Variants in SIPA1L2 observed in about 807,000 individuals in gnomAD.
The protein encoded by SIPA1L2 is signal induced proliferation associated 1 like 2, also known as signal-induced proliferation-associated 1-like protein 2.
A neutral mutation model predicts 163.9 loss-of-function variants in SIPA1L2; 56 were observed. The ratio of observed to expected loss-of-function variants is 0.34; its 90% confidence interval spans 0.28 to 0.43. The LOEUF is 0.43. Among genes scored for constraint, SIPA1L2 ranks in the 20% least tolerant of loss-of-function variants. The probability of loss-of-function intolerance (pLI) is 1.00; values close to 1 mark genes in which losing one functional copy is unlikely to be tolerated. For missense variants in SIPA1L2, 1,974 were observed against 2,193.5 expected, an observed-to-expected ratio of 0.90 and a Z score of 2.00; for synonymous variants, 877 against 865.7, an observed-to-expected ratio of 1.01 and a Z score of -0.23.
chr1:232,419,100 G>C (rs1661423458), intron 18 of SIPA1L2, among the ~76,000 whole-genome samples: 1 of 152,214 alleles, frequency 6.6e-6, no homozygotes, highest in South Asian at 2.1e-4. Flanking sequence ...GGCACATTTG[G>C]GGGAGGCCTG....
At chr1:232,469,259 T>G (rs1572945581) in intron 8 of SIPA1L2, among the ~76,000 whole-genome samples, 5 of 152,192 alleles carry the variant, frequency 3.3e-5, no homozygotes, top group African/African-American at 1.2e-4. Context: ...CCACTCTGGA[T>G]TAGGACATAG....
At chr1:232,486,197 T>C (rs1166835465) in intron 5 of SIPA1L2, among the ~76,000 whole-genome samples, 1 of 152,186 alleles carries the variant, frequency 6.6e-6, no homozygotes, top group Non-Finnish European at 1.5e-5. Context: ...GTGCATGGTA[T>C]GTCAAGCAGA....
chr1:232,419,121 G>C (rs961009819), intron 18 of SIPA1L2, among the ~76,000 whole-genome samples: 1 of 152,152 alleles, frequency 6.6e-6, no homozygotes, highest in Non-Finnish European at 1.5e-5. Flanking sequence ...TCCAAGGAGG[G>C]GACACTTGGC....
At chr1:232,601,530 A>G (rs75733682) in intron 1 of SIPA1L2, among the ~76,000 whole-genome samples, 3,502 of 152,266 alleles carry the variant, frequency 0.023, 136 homozygotes, top group African/African-American at 0.08. Context: ...ATTATAGCCC[A>G]TGGTCCCTTG....
rs766492017 is a variant in SIPA1L2, at chr1:232,439,256, C to T, written c.3883G>A (p.Glu1295Lys). ...GSRSLIHSRA[E>K]QWADAADVSG... Reference sequence around the variant, plus strand: ...ACGTCGGCAGCATCAGCCCACTGCTCGGCCCGGCTGTGGATCAGGGACCTG... The same window carrying T: ...ACGTCGGCAGCATCAGCCCACTGCTTGGCCCGGCTGTGGATCAGGGACCTG... The change falls in exon 15 of 23, where the codon GAG becomes AAG. Residue 1295 changes from glutamate to lysine, a missense_variant. Coordinates refer to ENST00000674635, the MANE Select transcript of SIPA1L2 (RefSeq NM_020808.5). 18 of 1,614,088 alleles carry T rather than the reference C, an allele frequency of 1.1e-5. No individual in the cohort carries two copies. The highest frequency in any genetic ancestry group is 4.5e-5 in the East Asian group (2 of 44,890).
intron 2 of SIPA1L2, among the ~76,000 whole-genome samples, chr1:232,550,885 G>A (rs975936350): frequency 6.6e-6 from 1 of 152,292 alleles, no homozygotes; most frequent in East Asian, 1.9e-4. Context: ...ACATGGAAGA[G>A]GTATTGCTAA....
intron 2 of SIPA1L2, among the ~76,000 whole-genome samples, chr1:232,518,679 C>T (rs1482328776): frequency 6.6e-6 from 1 of 152,066 alleles, no homozygotes; most frequent in Non-Finnish European, 1.5e-5. Flanking sequence ...TGGGTGACTC[C>T]ACAACATACT....
chr1:232,530,270 C>T (rs1011683232), intron 2 of SIPA1L2, among the ~76,000 whole-genome samples: 2 of 152,078 alleles, frequency 1.3e-5, no homozygotes, highest in African/African-American at 2.4e-5. Context: ...CACACCACCA[C>T]GCCCGGCTAA....
chr1:232,522,556 T>G (rs1327783802), intron 2 of SIPA1L2, among the ~76,000 whole-genome samples: 1 of 152,004 alleles, frequency 6.6e-6, no homozygotes, highest in African/African-American at 2.4e-5. Context: ...GTTTATTGTT[T>G]GCTGCTATCC....
At chr1:232,463,695 T>C (rs940941655) in intron 9 of SIPA1L2, among the ~76,000 whole-genome samples, 3 of 152,210 alleles carry the variant, frequency 2.0e-5, no homozygotes, top group Admixed American at 2.0e-4. Context: ...AAGAAGTATT[T>C]GCAATTAGCA....
intron 1 of SIPA1L2, among the ~76,000 whole-genome samples, chr1:232,604,814 CCT>C (rs1274570235): frequency 6.6e-6 from 1 of 152,078 alleles, no homozygotes; most frequent in Non-Finnish European, 1.5e-5. Flanking sequence ...TAACCCCTCT[CCT>C]CTCTTCCTCC....
At chr1:232,578,550 C>G (rs1475207986) in intron 1 of SIPA1L2, among the ~76,000 whole-genome samples, 1 of 152,146 alleles carries the variant, frequency 6.6e-6, no homozygotes, top group Non-Finnish European at 1.5e-5. Context: ...ATTCTTTATG[C>G]CGATACGTTA....
chr1:232,556,765 T>G (rs547808869), intron 2 of SIPA1L2, among the ~76,000 whole-genome samples: 1 of 151,566 alleles, frequency 6.6e-6, no homozygotes, highest in South Asian at 2.1e-4. Flanking sequence ...TAGTGAACAC[T>G]GGGGTCAGAC....
intron 5 of SIPA1L2, among the ~76,000 whole-genome samples, chr1:232,487,225 A>G (rs1482809380): frequency 6.6e-6 from 1 of 152,228 alleles, no homozygotes; most frequent in Non-Finnish European, 1.5e-5. Flanking sequence ...TTCCAAGGCC[A>G]GAAGCTTTGT....
chr1:232,463,144 AGCG>A (rs1664327660), intron 9 of SIPA1L2, among the ~76,000 whole-genome samples: 1 of 152,240 alleles, frequency 6.6e-6, no homozygotes, highest in Non-Finnish European at 1.5e-5. Context: ...CTCTTCTGAG[AGCG>A]GGTCCCTGTG....
chr1:232,618,670 A>C (rs75713486), intron 1 of SIPA1L2, among the ~76,000 whole-genome samples: 1 of 145,944 alleles, frequency 6.9e-6, no homozygotes, highest in African/African-American at 2.6e-5. Flanking sequence ...AAAAAAAAAA[A>C]CTCTTGTTAC....
chr1:232,551,088 C>T (rs977942167), intron 2 of SIPA1L2, among the ~76,000 whole-genome samples: 4 of 152,152 alleles, frequency 2.6e-5, no homozygotes, highest in African/African-American at 9.7e-5. Flanking sequence ...GACAAACTAC[C>T]GTGCGTTTCT....
intron 7 of SIPA1L2, among the ~76,000 whole-genome samples, chr1:232,474,257 CAACAGT>C (rs1407878963): frequency 6.6e-6 from 1 of 152,160 alleles, no homozygotes; most frequent in Non-Finnish European, 1.5e-5. Context: ...TCTTCAACTG[CAACAGT>C]GAGTTAATAA....
chr1:232,553,674 C>A lies in SIPA1L2; in HGVS notation c.-270+20500G>T, dbSNP rs1457399665. Among the ~76,000 whole-genome samples, 3 of 152,224 alleles carry A rather than the reference C, an allele frequency of 2.0e-5. 1 individual carries two copies. The highest frequency in any genetic ancestry group is 7.2e-5 in the African/African-American group (3 of 41,540). On this transcript the variant is annotated intron_variant, in intron 2 of 22. Transcript: ENST00000674635. ...TGTCTCCTATATTTATACTCTTACC[C>A]CTGAGCGTCCATTTAATGTTTTCTT...
Sources: allele counts gnomAD v4.1 joint callset (sites outside exome capture counted in the v4.1 genomes callset), GRCh38; gene constraint gnomAD v4.1.1; transcripts MANE v1.5; gene names NCBI Gene and HGNC (gene_info 2026-07-23, HGNC 2026-07-21).